The following OTOA variants were observed in gnomAD, a reference collection of about 807,000 sequenced individuals.
The protein encoded by OTOA is cancer/testis antigen 108.
In OTOA, 70 loss-of-function variants were observed where a neutral mutation model predicts 110.8. The observed-to-expected ratio is 0.63, with a 90% CI of 0.52 to 0.77. OTOA has a LOEUF of 0.77. OTOA is among the 30% of genes least tolerant of loss of function. The pLI, the probability that OTOA is intolerant of heterozygous loss-of-function variation, is 0.00. For missense variants in OTOA, 917 were observed against 1,075.8 expected, an observed-to-expected ratio of 0.85 and a Z score of 2.06; for synonymous variants, 373 against 431.5, an observed-to-expected ratio of 0.86 and a Z score of 1.68.
intron 9 of OTOA, among the ~76,000 whole-genome samples, chr16:21,696,433 AT>A (rs1483310486): frequency 6.6e-6 from 1 of 152,088 alleles, no homozygotes; most frequent in Admixed American, 6.6e-5. Context: ...GCCAGCCAAG[AT>A]TTGGAGAATG....
intron 22 of OTOA, among the ~76,000 whole-genome samples, chr16:21,737,983 G>A (rs1182795665): frequency 6.6e-6 from 1 of 152,308 alleles, no homozygotes; most frequent in African/African-American, 2.4e-5. Context: ...TAAATAAAGA[G>A]CTTACTTTCA....
At chr16:21,692,687 G>A (rs1897855086) in intron 9 of OTOA, among the ~76,000 whole-genome samples, 1 of 152,106 alleles carries the variant, frequency 6.6e-6, no homozygotes, top group South Asian at 2.1e-4. Context: ...AGCACTTTGG[G>A]AGGCTGAGTC....
chr16:21,735,567 C>T (rs1328986942), intron 21 of OTOA, among the ~76,000 whole-genome samples: 3 of 151,584 alleles, frequency 2.0e-5, no homozygotes, highest in Non-Finnish European at 2.9e-5. Flanking sequence ...TAGCACCAAA[C>T]CAAAAAAGGG....
At position 21,681,783 on chromosome 16, in the gene OTOA, T is replaced by A; in HGVS notation, c.225T>A (p.Tyr75Ter). ...ACCTGTCCCACAGAGTCCTGGCCTATCTGAATTCCCGGAATGTTGCCTTCA... is the reference window on the plus strand; with the variant it reads ...ACCTGTCCCACAGAGTCCTGGCCTAACTGAATTCCCGGAATGTTGCCTTCA... The part of the protein sequence containing the change: ...TDDLSHRVLA[Y>*]LNSRNVAFTI... Residue 75 changes from tyrosine (Y) to a stop codon, truncating the protein, a stop_gained, in exon 6 of 29, where the codon TAT becomes TAA. Transcript: ENST00000646100. LOFTEE classifies it high-confidence loss of function. The A allele has an allele frequency of 6.2e-7, 1 of 1,614,110 alleles. No individual in the cohort carries two copies. The highest frequency in any genetic ancestry group is 1.3e-5 in the African/African-American group (1 of 75,014).
At chr16:21,685,203 C>T in intron 6 of OTOA, 27 bp from the exon 7 acceptor site, 3 of 1,609,168 alleles carry the variant, frequency 1.9e-6, no homozygotes, top group Non-Finnish European at 2.5e-6. Context: ...TCTGTTCTCA[C>T]CGACTCTCCC....
chr16:21,724,498 G>A (rs1898854256), intron 18 of OTOA, among the ~76,000 whole-genome samples: 1 of 152,094 alleles, frequency 6.6e-6, no homozygotes, highest in Admixed American at 6.5e-5. Context: ...GTAAAGTGAG[G>A]TGTTTCACAC....
In OTOA at chr16:21,701,562, G is replaced by A. The variant is rs529882147; in HGVS notation, c.980+535G>A. ...TCTACATTCCAGGGGTGTCAGGAAG[G>A]GAGTGGGCAATGGGAAGGAGGTGGT... On this transcript the variant is annotated intron_variant, in intron 11 of 28. Coordinates refer to ENST00000646100, the MANE Select transcript of OTOA (RefSeq NM_144672.4). Among the ~76,000 whole-genome samples the A allele has an allele frequency of 2.6e-5, 4 of 152,206 alleles. No individual in the cohort carries two copies. The East Asian group carries it at 7.7e-4, about 29-fold the overall frequency.
intron 12 of OTOA, 45 bp from the exon 13 acceptor site, chr16:21,709,843 G>C: frequency 6.5e-7 from 1 of 1,534,210 alleles, no homozygotes; most frequent in Non-Finnish European, 9.0e-7. Flanking sequence ...GGGAGCCACC[G>C]CCCTGCTTCC....
intron 1 of OTOA, among the ~76,000 whole-genome samples, chr16:21,674,610 A>G (rs1252502537): frequency 1.3e-5 from 2 of 150,484 alleles, no homozygotes; most frequent in Non-Finnish European, 2.9e-5. Context: ...CTGGGATTAC[A>G]GGCATGATTC....
At chr16:21,691,846 C>T (rs757057281) in intron 9 of OTOA, among the ~76,000 whole-genome samples, 159 bp downstream of exon 9, 20 of 152,282 alleles carry the variant, frequency 1.3e-4, no homozygotes, top group Non-Finnish European at 2.6e-4. Context: ...TGGAGTAAAA[C>T]ACATACTCCA....
chr16:21,750,064 C>T (rs1432832265), intron 24 of OTOA, among the ~76,000 whole-genome samples: 1 of 152,288 alleles, frequency 6.6e-6, no homozygotes, highest in Non-Finnish European at 1.5e-5. Flanking sequence ...TAAAATGAAT[C>T]AGCACATGTT....
chr16:21,722,103 A>AAAT (rs1898765316), intron 17 of OTOA, among the ~76,000 whole-genome samples: 1 of 151,000 alleles, frequency 6.6e-6, no homozygotes, highest in African/African-American at 2.4e-5. Flanking sequence ...AATACAAAAA[A>AAAT]AAAAAAAAAT....
chr16:21,712,762 G>A (rs917963471), intron 13 of OTOA, among the ~76,000 whole-genome samples: 11 of 151,836 alleles, frequency 7.2e-5, no homozygotes, highest in Middle Eastern at 3.4e-3. Context: ...GGAGAATGGC[G>A]TGAACCTGGG....
intron 9 of OTOA, among the ~76,000 whole-genome samples, chr16:21,695,883 A>ATTTTTTT (rs1325044183): frequency 2.3e-5 from 1 of 43,792 alleles, no homozygotes; most frequent in African/African-American, 1.2e-4. Flanking sequence ...ATATATATAT[A>ATTTTTTT]TATATATATT....
intron 5 of OTOA, among the ~76,000 whole-genome samples, chr16:21,680,240 G>A (rs558176481): frequency 6.0e-5 from 9 of 150,838 alleles, no homozygotes; most frequent in East Asian, 5.8e-4. Flanking sequence ...CAGGCCGGGC[G>A]CGGTGGCTCA....
At chr16:21,730,769 G>C (rs1162673876) in intron 20 of OTOA, 68 bp from the exon 21 acceptor site, 12 of 932,336 alleles carry the variant, frequency 1.3e-5, no homozygotes, top group Non-Finnish European at 2.1e-5. Context: ...AAAGGGTGCT[G>C]GGGGAAAAGG....
At position 21,726,587 on chromosome 16, in the gene OTOA, A is replaced by G; in HGVS notation, c.1945A>G (p.Ser649Gly). The G allele has an allele frequency of 6.2e-7, 1 of 1,613,954 alleles. No homozygotes were observed. The highest frequency in any genetic ancestry group is 8.5e-7 in the Non-Finnish European group (1 of 1,179,992). Residue 649 changes from serine (S) to glycine (G), a missense_variant, in exon 19 of 29, where the codon AGC becomes GGC. Around this residue, in one of 6 missense-constraint regions of OTOA, gnomAD observed 840 missense variants for 910.2 expected, o/e 0.92. Coordinates refer to ENST00000646100, the MANE Select transcript of OTOA (RefSeq NM_144672.4). ...CVPFLISLGK[S>G]WLDSLVLDSH... ...GCCCTTTCTGATCAGCCTGGGGAAG[A>G]GCTGGTTGGACTCCTTGGTTTTAGA...
At chr16:21,695,866 G>GATATATATATATATAT (rs71151648) in intron 9 of OTOA, among the ~76,000 whole-genome samples, 23 of 72,708 alleles carry the variant, frequency 3.2e-4, no homozygotes, top group East Asian at 1.0e-3. Context: ...CTAGACTTGA[G>GATATATATATATATAT]ATATATATAT....
At chr16:21,701,330 G>A (rs1320517054) in intron 11 of OTOA, among the ~76,000 whole-genome samples, 1 of 152,184 alleles carries the variant, frequency 6.6e-6, no homozygotes, top group East Asian at 1.9e-4. Flanking sequence ...TAAATACTCA[G>A]GACTGGGTCC....
Sources: gnomAD v4.1 joint callset for allele counts (sites outside exome capture counted in the v4.1 genomes callset) on GRCh38, gnomAD v4.1.1 for gene constraint, gnomAD v4.1.1 regional missense constraint, MANE v1.5 for transcripts, NCBI Gene and HGNC (gene_info 2026-07-23, HGNC 2026-07-21) for gene names.